The following PISD variants were observed in gnomAD, a reference collection of about 807,000 sequenced individuals.
The protein encoded by PISD is phosphatidylserine decarboxylase, also known as phosphatidylserine decarboxylase proenzyme, mitochondrial.
Under a neutral mutation model 43.5 loss-of-function variants are expected in PISD, and 31 were observed. That is an observed-to-expected ratio of 0.71 (90% confidence interval 0.54 to 0.96). The LOEUF (loss-of-function observed/expected upper bound fraction) is 0.96. Among genes scored for constraint, PISD ranks in the 40% least tolerant of loss-of-function variants. The pLI is 0.00. For missense variants in PISD, 523 were observed against 548.4 expected (o/e 0.95, Z 0.46); for synonymous variants, 259 against 228.7 (o/e 1.13, Z -1.20).
At chr22:31,625,944 C>T (rs2072886208) in intron 3 of PISD, 1 of 1,498,252 alleles carries the variant, frequency 6.7e-7, no homozygotes, top group Non-Finnish European at 8.9e-7. Flanking sequence ...CTCTGCGAGG[C>T]TGGTTGGTGG....
intron 3 of PISD, among the ~76,000 whole-genome samples, chr22:31,640,231 C>A (rs2073651850): frequency 6.9e-6 from 1 of 145,318 alleles, no homozygotes; most frequent in Admixed American, 6.9e-5. Context: ...CAGAGTCTTG[C>A]TCTGTCACCC....
At chr22:31,656,423 G>A (rs904416144) in intron 1 of PISD, among the ~76,000 whole-genome samples, 1 of 151,750 alleles carries the variant, frequency 6.6e-6, no homozygotes, top group African/African-American at 2.4e-5. Flanking sequence ...GGCCAAGGTG[G>A]GCAGATCACG....
At chr22:31,650,857 C>T (rs1232087817) in intron 1 of PISD, 79 bp from the exon 2 acceptor site, 8 of 817,820 alleles carry the variant, frequency 9.8e-6, no homozygotes, top group African/African-American at 8.6e-5. Flanking sequence ...AATTTAAACA[C>T]TCAATAACAA....
intron 3 of PISD, among the ~76,000 whole-genome samples, chr22:31,637,158 A>C: frequency 2.9e-5 from 1 of 34,084 alleles, no homozygotes; most frequent in Non-Finnish European, 5.2e-5. Context: ...AAAAAAAAAA[A>C]AAAAAAATAT....
intron 3 of PISD, among the ~76,000 whole-genome samples, chr22:31,626,657 T>G (rs1190975510): frequency 1.3e-5 from 2 of 152,182 alleles, no homozygotes; most frequent in Non-Finnish European, 2.9e-5. Flanking sequence ...TCCACTCCCC[T>G]TTTTCCATCG....
intron 1 of PISD, among the ~76,000 whole-genome samples, chr22:31,651,360 T>C (rs1433689342): frequency 2.6e-5 from 4 of 152,222 alleles, no homozygotes. Context: ...CATATACATA[T>C]AAACAGAGAT....
intron 3 of PISD, among the ~76,000 whole-genome samples, chr22:31,632,565 C>T (rs2073252055): frequency 6.6e-6 from 1 of 152,156 alleles, no homozygotes; most frequent in Non-Finnish European, 1.5e-5. Context: ...CTAGTTTCCT[C>T]CACATCCCAA....
intron 3 of PISD, chr22:31,629,208 T>C (rs2073068766): frequency 2.0e-6 from 2 of 985,162 alleles, no homozygotes; most frequent in Non-Finnish European, 2.4e-6. Context: ...ACAGGTTGGG[T>C]TGGGGCCTGC....
At chr22:31,662,026 T>C (rs917785987) in intron 1 of PISD, 118 bp downstream of exon 1, 10 of 886,652 alleles carry the variant, frequency 1.1e-5, no homozygotes, top group Non-Finnish European at 1.5e-5. Flanking sequence ...TGAAGGTGGC[T>C]CCGTCTCCAC....
chr22:31,653,149 A>G (rs868822806), intron 1 of PISD, among the ~76,000 whole-genome samples: 49 of 151,934 alleles, frequency 3.2e-4, no homozygotes, highest in African/African-American at 1.1e-3. Flanking sequence ...GCATCTTACC[A>G]TGACGAGCAC....
intron 1 of PISD, among the ~76,000 whole-genome samples, chr22:31,658,855 C>CTTTTTT (rs112877920): frequency 3.4e-5 from 4 of 118,610 alleles, no homozygotes; most frequent in Non-Finnish European, 5.5e-5. Flanking sequence ...TTTTCTTTTT[C>CTTTTTT]TTTTTTTTTT....
Position 31,650,702 on chromosome 22 carries a change from T to C in PISD, c.142A>G (p.Thr48Ala). The C allele has an allele frequency of 6.5e-7, 1 of 1,542,838 alleles. No homozygotes were observed. The highest frequency in any genetic ancestry group is 1.2e-5 in the South Asian group (1 of 83,932). ...ACCATCTCTAATTGCTCCTTACCTG[T>C]GCGAAAGGCTCTAAAAGGCAGCTTC... ...LRKLPFRAFR[T>A]DARKIHTAPA... Residue 48 changes from threonine to alanine, a missense_variant, in exon 2 of 8, where the codon ACA (threonine) becomes GCA (alanine). Transcript: ENST00000439502.
At chr22:31,631,156 G>C (rs2073190568) in intron 3 of PISD, among the ~76,000 whole-genome samples, 1 of 152,200 alleles carries the variant, frequency 6.6e-6, no homozygotes, top group Non-Finnish European at 1.5e-5. Context: ...CAGTCTGTCC[G>C]CTGGTCTGTG....
At chr22:31,636,260 GA>G (rs1316408906) in intron 3 of PISD, among the ~76,000 whole-genome samples, 1 of 151,944 alleles carries the variant, frequency 6.6e-6, no homozygotes, top group East Asian at 1.9e-4. Flanking sequence ...TCCTTTTGAT[GA>G]ATTGGAATAC....
rs1037842404 is a variant in PISD, at chr22:31,630,893, C to G, written c.322-9008G>C. On this transcript the variant is annotated intron_variant, in intron 3 of 7. Transcript: ENST00000439502. This position sits in a 1 kb window ranked among gnomAD's most constrained non-coding sequence, Gnocchi z 4.4. Reference sequence around the variant, plus strand: ...GGGGCGAGTGGGCGGGGCTCGGGCTCCAGCCACTCAGACTACCAGGGGCGG... The same window carrying G: ...GGGGCGAGTGGGCGGGGCTCGGGCTGCAGCCACTCAGACTACCAGGGGCGG... The G allele has an allele frequency of 2.0e-6, 2 of 983,056 alleles. No homozygotes were observed. Among genetic ancestry groups the G allele is most frequent in the Non-Finnish European group, 2.4e-6 (2 of 827,806 alleles). 60.9% of individuals were successfully genotyped at this position (983,056 alleles called of 1,614,324 possible).
At chr22:31,637,156 A>ATATGT (rs1359951122) in intron 3 of PISD, among the ~76,000 whole-genome samples, 2 of 42,422 alleles carry the variant, frequency 4.7e-5, no homozygotes, top group Non-Finnish European at 8.6e-5. Context: ...AAAAAAAAAA[A>ATATGT]AAAAAAAAAT....
rs531166103 is a variant in PISD at position 31,629,021 on chromosome 22, G to A, written c.322-7136C>T. 4 of 985,378 alleles carry A rather than the reference G, an allele frequency of 4.1e-6. No homozygotes were observed. In the South Asian group the frequency reaches 1.4e-4, roughly 35 times the overall value. 61.0% of individuals were successfully genotyped at this position (985,378 alleles called of 1,614,324 possible). On this transcript the variant is annotated intron_variant, in intron 3 of 7. Transcript: ENST00000439502. ...CAATGGCTGATAGGACCGTATAGGG[G>A]GTAGGGGAACACCTTTGTCAGGACA...
rs2072365965 is a variant in PISD, at chr22:31,619,602, G to A, written c.*10C>T. The A allele has an allele frequency of 3.1e-6, 5 of 1,607,336 alleles. No homozygotes were observed. The South Asian group carries it at 4.4e-5, about 14-fold the overall frequency. On this transcript the variant is annotated 3_prime_UTR_variant, in exon 8 of 8. Coordinates refer to ENST00000439502, the MANE Select transcript of PISD (RefSeq NM_001326411.2). ...AAGATCCCTTAGCAGCCATAATCAGGAAAGAGACTCTAGAGCGAGCCCAGG... is the reference window on the plus strand; with the variant it reads ...AAGATCCCTTAGCAGCCATAATCAGAAAAGAGACTCTAGAGCGAGCCCAGG...
intron 3 of PISD, chr22:31,625,893 C>G (rs1190907982): frequency 6.5e-7 from 1 of 1,545,362 alleles, no homozygotes; most frequent in African/African-American, 1.4e-5. Flanking sequence ...TTCCCCCGAG[C>G]CAGCAGATCT....
Sources: gnomAD v4.1 joint callset for allele counts (sites outside exome capture counted in the v4.1 genomes callset) on GRCh38, gnomAD v4.1.1 for gene constraint, Gnocchi (gnomAD v3.1) non-coding constraint, MANE v1.5 for transcripts, NCBI Gene and HGNC (gene_info 2026-07-23, HGNC 2026-07-21) for gene names.